Variants in FBN2 observed in about 807,000 individuals in gnomAD.
FBN2 encodes fibrillin 2.
A neutral mutation model predicts 355.6 loss-of-function variants in FBN2; 105 were observed. That is an observed-to-expected ratio of 0.30 (90% CI 0.25 to 0.35). The LOEUF (loss-of-function observed/expected upper bound fraction) is 0.35, where lower values mean the gene tolerates loss of function less well. Ranked by LOEUF, FBN2 falls within the 10% of genes least tolerant of loss-of-function variation. The pLI is 1.00. For synonymous variants in FBN2, 1,350 were observed against 1,301.2 expected (o/e 1.04, Z -0.81); for missense variants, 3,280 against 3,758.7 (o/e 0.87, Z 3.33).
chr5:128,472,173 T>C (rs1191433203), intron 5 of FBN2, among the ~76,000 whole-genome samples: 1 of 152,196 alleles, frequency 6.6e-6, no homozygotes, highest in Non-Finnish European at 1.5e-5. Context: ...AAACTATTAT[T>C]CAGCCTTAGA....
chr5:128,480,783 T>C (rs1755162201), intron 5 of FBN2, among the ~76,000 whole-genome samples: 1 of 152,170 alleles, frequency 6.6e-6, no homozygotes, highest in African/African-American at 2.4e-5. Flanking sequence ...ATTGTGGCCA[T>C]TAATAAACTA....
At chr5:128,383,124 G>C (rs1482124468) in intron 11 of FBN2, among the ~76,000 whole-genome samples, 2 of 152,100 alleles carry the variant, frequency 1.3e-5, no homozygotes, top group Non-Finnish European at 1.5e-5. Flanking sequence ...GATGCAGACA[G>C]GGGGAACACT....
At chr5:128,325,870 T>G (rs1415653535) in intron 34 of FBN2, among the ~76,000 whole-genome samples, 1 of 152,192 alleles carries the variant, frequency 6.6e-6, no homozygotes, top group African/African-American at 2.4e-5. Context: ...CTTATTTTGC[T>G]GTATTGGTCC....
At position 128,377,816 on chromosome 5, in the gene FBN2, A is replaced by T. The variant is rs769785898; in HGVS notation, c.1785T>A (p.Asp595Glu). The change falls in exon 13 of 65, where the codon GAT (aspartate) becomes GAA (glutamate). Residue 595 changes from aspartate to glutamate, a missense_variant. Coordinates refer to ENST00000262464, the MANE Select transcript of FBN2 (RefSeq NM_001999.4). ...CATTGCAAATGCACTGGAAACTTCCATCTGTGTTCACGCATCGACCGTTTT... is the reference window on the plus strand; with the variant it reads ...CATTGCAAATGCACTGGAAACTTCCTTCTGTGTTCACGCATCGACCGTTTT... ...LCKNGRCVNT[D>E]GSFQCICNAG... 1 of 1,613,648 alleles carries T rather than the reference A, an allele frequency of 6.2e-7. No homozygotes were observed. Among genetic ancestry groups the T allele is most frequent in the Non-Finnish European group, 8.5e-7 (1 of 1,179,630 alleles).
At chr5:128,275,854 T>C (rs978400937) in intron 59 of FBN2, among the ~76,000 whole-genome samples, 184 bp downstream of exon 59, 1 of 152,256 alleles carries the variant, frequency 6.6e-6, no homozygotes, top group Non-Finnish European at 1.5e-5. Flanking sequence ...ACTTGGGTTT[T>C]AATCCTCTCT....
chr5:128,419,290 G>A (rs934247978), intron 7 of FBN2, among the ~76,000 whole-genome samples: 25 of 151,960 alleles, frequency 1.6e-4, no homozygotes, highest in African/African-American at 6.0e-4. Flanking sequence ...TTTCCAGTCC[G>A]GGTAACTTTT....
At chr5:128,445,844 CAAAT>C (rs1561460779) in intron 7 of FBN2, among the ~76,000 whole-genome samples, 2 of 152,064 alleles carry the variant, frequency 1.3e-5, no homozygotes, top group East Asian at 1.9e-4. Flanking sequence ...ATATATATAA[CAAAT>C]AAATTTATTC....
intron 27 of FBN2, among the ~76,000 whole-genome samples, chr5:128,336,759 A>G (rs1750853593): frequency 6.6e-6 from 1 of 152,234 alleles, no homozygotes; most frequent in African/African-American, 2.4e-5. Context: ...TGCCTTAAAA[A>G]TAAACTAGTA....
chr5:128,439,289 T>C lies in FBN2; in HGVS notation c.952+7192A>G, dbSNP rs1379725031. ...AAGTGATTAAATATTATAGTATGGA[T>C]ATTTGTAATTTTGATAGATATTTCT... On this transcript the variant is annotated intron_variant, in intron 7 of 64. Transcript: ENST00000262464. 2.0e-5 allele frequency among the ~76,000 whole-genome samples: 3 copies of C among 152,218 alleles called. 1 individual carries two copies. The highest frequency in any genetic ancestry group is 4.1e-4 in the South Asian group (2 of 4,836).
chr5:128,533,281 C>T (rs1210973353), intron 2 of FBN2, among the ~76,000 whole-genome samples: 1 of 152,162 alleles, frequency 6.6e-6, no homozygotes, highest in Non-Finnish European at 1.5e-5. Context: ...ACCCAAAGTA[C>T]CTCCACCCGG....
intron 5 of FBN2, among the ~76,000 whole-genome samples, chr5:128,502,308 A>G (rs1335280906): frequency 1.3e-5 from 2 of 152,086 alleles, no homozygotes; most frequent in Non-Finnish European, 2.9e-5. Flanking sequence ...AAATAATTAT[A>G]AAGTAAAAAC....
At chr5:128,315,536 C>A (rs780435929) in intron 36 of FBN2, among the ~76,000 whole-genome samples, 1 of 152,104 alleles carries the variant, frequency 6.6e-6, no homozygotes, top group Non-Finnish European at 1.5e-5. Context: ...AGAGGACAGC[C>A]GTCTTCTTTA....
At chr5:128,311,265 A>C in intron 39 of FBN2, 35 bp downstream of exon 39, 2 of 1,613,300 alleles carry the variant, frequency 1.2e-6, no homozygotes, top group Non-Finnish European at 1.7e-6. Flanking sequence ...TGTTTTAAAC[A>C]GCACTGAGCA....
At chr5:128,298,494 C>G (rs1278934500) in intron 48 of FBN2, among the ~76,000 whole-genome samples, 3 of 152,080 alleles carry the variant, frequency 2.0e-5, no homozygotes, top group Admixed American at 6.5e-5. Context: ...TAGATTTGGT[C>G]TTTTCACATA....
At chr5:128,303,117 T>A in intron 45 of FBN2, 28 bp from the exon 46 acceptor site, 2 of 1,395,460 alleles carry the variant, frequency 1.4e-6, no homozygotes, top group Non-Finnish European at 1.0e-6. Flanking sequence ...CTCAAAAAAT[T>A]CAATTTTTAA....
intron 28 of FBN2, 60 bp from the exon 29 acceptor site, chr5:128,335,637 CT>C: frequency 6.3e-7 from 1 of 1,599,854 alleles, no homozygotes. Flanking sequence ...GAGTTTTCTT[CT>C]TTTTAAACAG....
intron 3 of FBN2, 100 bp from the exon 4 acceptor site, chr5:128,528,067 G>T: frequency 1.3e-6 from 1 of 773,610 alleles, no homozygotes; most frequent in Non-Finnish European, 2.3e-6. Flanking sequence ...CCAATTCAAT[G>T]ACAATTATAT....
At chr5:128,322,194 CGATA>C (rs1264488958) in intron 34 of FBN2, among the ~76,000 whole-genome samples, 2 of 151,912 alleles carry the variant, frequency 1.3e-5, no homozygotes, top group South Asian at 2.1e-4. Flanking sequence ...GCCCTTTGTC[CGATA>C]GATAGATTAC....
rs918279843 is a variant in FBN2, at chr5:128,537,859, C to A, written c.-256G>T. Reference sequence around the variant, plus strand: ...GCGGCGGAGGTGCAGCCGGCAGCCCCGAGCGGTACACGTTGCATAACCGGC... The same window carrying A: ...GCGGCGGAGGTGCAGCCGGCAGCCCAGAGCGGTACACGTTGCATAACCGGC... On this transcript the variant is annotated 5_prime_UTR_variant, in exon 1 of 65. Coordinates refer to ENST00000262464, the MANE Select transcript of FBN2 (RefSeq NM_001999.4). 3.4e-6 allele frequency: 2 copies of A among 587,618 alleles called. No homozygotes were observed. Among genetic ancestry groups the A allele is most frequent in the South Asian group, 2.0e-5 (1 of 50,014 alleles). The allele number at this position is 587,618 out of a possible 1,614,324, so 36.4% of individuals were successfully genotyped here.
Sources: allele counts gnomAD v4.1 joint callset (sites outside exome capture counted in the v4.1 genomes callset), GRCh38; gene constraint gnomAD v4.1.1; transcripts MANE v1.5; gene names NCBI Gene and HGNC (gene_info 2026-07-23, HGNC 2026-07-21).